Variants in LRRC4C observed in about 807,000 individuals in gnomAD.
The protein encoded by LRRC4C is leucine rich repeat containing 4C.
Under a neutral mutation model 33.6 loss-of-function variants are expected in LRRC4C, and 5 were observed. That is an observed-to-expected ratio of 0.15 (90% confidence interval 0.08 to 0.31). LRRC4C has a LOEUF of 0.31. Among genes scored for constraint, LRRC4C ranks in the 10% least tolerant of loss-of-function variants. The pLI, the probability that LRRC4C is intolerant of heterozygous loss-of-function variation, is 1.00. For synonymous variants in LRRC4C, 329 were observed against 302.0 expected, an observed-to-expected ratio of 1.09 and a Z score of -0.93; for missense variants, 560 against 796.7, an observed-to-expected ratio of 0.70 and a Z score of 3.58.
At chr11:40,169,886 T>A (rs1859906018) in intron 5 of LRRC4C, among the ~76,000 whole-genome samples, 1 of 152,230 alleles carries the variant, frequency 6.6e-6, no homozygotes, top group Non-Finnish European at 1.5e-5. Flanking sequence ...ATTATTGCTG[T>A]ATTACTAGAA....
intron 3 of LRRC4C, among the ~76,000 whole-genome samples, chr11:40,436,695 C>T (rs1033127353): frequency 1.3e-5 from 2 of 152,194 alleles, no homozygotes; most frequent in African/African-American, 4.8e-5. Flanking sequence ...GAGATGCCAT[C>T]TGCCAGAAGC....
intron 2 of LRRC4C, among the ~76,000 whole-genome samples, chr11:40,930,555 C>A (rs1957575688): frequency 6.6e-6 from 1 of 152,172 alleles, no homozygotes; most frequent in Non-Finnish European, 1.5e-5. Flanking sequence ...ACAGAGAAGG[C>A]AAAGACTATA....
chr11:41,116,031 G>T (rs1942104744), intron 1 of LRRC4C, among the ~76,000 whole-genome samples: 1 of 152,056 alleles, frequency 6.6e-6, no homozygotes, highest in African/African-American at 2.4e-5. Flanking sequence ...TCAAATATGT[G>T]ACAGTATTAA....
intron 1 of LRRC4C, among the ~76,000 whole-genome samples, chr11:41,263,674 C>G (rs1454852352): frequency 6.6e-6 from 1 of 152,032 alleles, no homozygotes; most frequent in Non-Finnish European, 1.5e-5. Flanking sequence ...GAGAAGACTG[C>G]TAGGGGAGTT....
chr11:41,051,520 C>CAAGAAA (rs1858207631), intron 1 of LRRC4C, among the ~76,000 whole-genome samples: 1 of 60,288 alleles, frequency 1.7e-5, no homozygotes, highest in Non-Finnish European at 2.8e-5. Flanking sequence ...GGTCTCAAGG[C>CAAGAAA]AAAAAAAAAA....
intron 3 of LRRC4C, among the ~76,000 whole-genome samples, chr11:40,558,364 A>G (rs1957410984): frequency 6.6e-6 from 1 of 152,210 alleles, no homozygotes; most frequent in African/African-American, 2.4e-5. Flanking sequence ...AGTAATTCTG[A>G]AAGTGTGTTG....
At chr11:40,811,580 C>A (rs1479814353) in intron 2 of LRRC4C, among the ~76,000 whole-genome samples, 1 of 152,158 alleles carries the variant, frequency 6.6e-6, no homozygotes, top group African/African-American at 2.4e-5. Flanking sequence ...TCACTGCAAC[C>A]TCTGCCTCCT....
At chr11:40,817,253 C>T (rs1454678407) in intron 2 of LRRC4C, among the ~76,000 whole-genome samples, 1 of 152,112 alleles carries the variant, frequency 6.6e-6, no homozygotes, top group Non-Finnish European at 1.5e-5. Context: ...TCCCTCTCCT[C>T]AATGACTCTT....
intron 6 of LRRC4C, among the ~76,000 whole-genome samples, chr11:40,134,887 C>G (rs1312581332): frequency 6.6e-6 from 1 of 152,148 alleles, no homozygotes. Flanking sequence ...TTCCAGTTTT[C>G]AGCATGACTT....
At chr11:41,009,087 A>G (rs1171799625) in intron 1 of LRRC4C, among the ~76,000 whole-genome samples, 2 of 152,076 alleles carry the variant, frequency 1.3e-5, no homozygotes, top group Non-Finnish European at 2.9e-5. Context: ...AAATAGCAAG[A>G]GAAGAATTCT....
chr11:40,515,722 T>C (rs1955533889), intron 3 of LRRC4C, among the ~76,000 whole-genome samples: 2 of 152,112 alleles, frequency 1.3e-5, no homozygotes, highest in Admixed American at 6.5e-5. Flanking sequence ...TAAAATGCAG[T>C]AAAATTTCCA....
At chr11:40,801,995 C>T (rs545701707) in intron 2 of LRRC4C, among the ~76,000 whole-genome samples, 1 of 152,168 alleles carries the variant, frequency 6.6e-6, no homozygotes, top group African/African-American at 2.4e-5. Context: ...CTAATACAGA[C>T]TACACATCCA....
chr11:40,182,323 T>C (rs1433755711), intron 5 of LRRC4C, among the ~76,000 whole-genome samples: 1 of 152,128 alleles, frequency 6.6e-6, no homozygotes, highest in Non-Finnish European at 1.5e-5. Context: ...AACTCCCAGA[T>C]ATAAACCTCA....
intron 3 of LRRC4C, among the ~76,000 whole-genome samples, chr11:40,340,995 CA>C (rs1334763068): frequency 6.6e-6 from 1 of 152,102 alleles, no homozygotes; most frequent in African/African-American, 2.4e-5. Flanking sequence ...GTCGTGAGTG[CA>C]GCACAAAATA....
chr11:41,185,266 T>TA (rs1215075429), intron 1 of LRRC4C, among the ~76,000 whole-genome samples: 1 of 152,132 alleles, frequency 6.6e-6, no homozygotes, highest in Non-Finnish European at 1.5e-5. Context: ...CCAAAAGGGA[T>TA]AAAATATACA....
chr11:40,471,530 A>C (rs1022942519), intron 3 of LRRC4C, among the ~76,000 whole-genome samples: 6 of 152,158 alleles, frequency 3.9e-5, no homozygotes, highest in Non-Finnish European at 8.8e-5. Context: ...AAATTCATAC[A>C]TAACAATATT....
intron 3 of LRRC4C, among the ~76,000 whole-genome samples, chr11:40,416,418 G>A (rs1590666184): frequency 6.6e-6 from 1 of 152,100 alleles, no homozygotes; most frequent in Admixed American, 6.6e-5. Context: ...AGATACCAAG[G>A]TCCTAAAGGA....
intron 6 of LRRC4C, among the ~76,000 whole-genome samples, chr11:40,133,379 G>A (rs765403998): frequency 2.0e-5 from 3 of 152,098 alleles, no homozygotes; most frequent in Non-Finnish European, 4.4e-5. Context: ...GTTTTACCAA[G>A]TACTTACTTC....
intron 1 of LRRC4C, among the ~76,000 whole-genome samples, chr11:41,274,588 A>C (rs1013495124): frequency 1.3e-5 from 2 of 151,962 alleles, no homozygotes; most frequent in Non-Finnish European, 2.9e-5. Flanking sequence ...AGGTTTGTAA[A>C]ATGGACCAAT....
Sources: gnomAD v4.1 joint callset for allele counts (sites outside exome capture counted in the v4.1 genomes callset) on GRCh38, gnomAD v4.1.1 for gene constraint, MANE v1.5 for transcripts, NCBI Gene and HGNC (gene_info 2026-07-23, HGNC 2026-07-21) for gene names.